Variants in VPS13D observed in about 807,000 individuals in gnomAD.
VPS13D encodes the protein intermembrane lipid transfer protein VPS13D.
Under a neutral mutation model 461.9 loss-of-function variants are expected in VPS13D, and 187 were observed. That is an observed-to-expected ratio of 0.40 (90% CI 0.36 to 0.46). The LOEUF (loss-of-function observed/expected upper bound fraction) is 0.46, where lower values mean the gene tolerates loss of function less well. Among genes scored for constraint, VPS13D ranks in the 20% least tolerant of loss-of-function variants. The pLI is 0.60. For missense variants in VPS13D, 4,711 were observed against 5,364.9 expected, an observed-to-expected ratio of 0.88 and a Z score of 3.81; for synonymous variants, 1,951 against 1,986.3, an observed-to-expected ratio of 0.98 and a Z score of 0.47.
intron 25 of VPS13D, among the ~76,000 whole-genome samples, chr1:12,300,665 T>C (rs527825979): frequency 1.3e-5 from 2 of 152,324 alleles, no homozygotes; most frequent in South Asian, 4.1e-4. Flanking sequence ...GGACTGTTGT[T>C]ATTTGTGTTT....
chr1:12,508,317 G>A (rs1166282543), intron 69 of VPS13D, among the ~76,000 whole-genome samples: 4 of 152,120 alleles, frequency 2.6e-5, no homozygotes, highest in Non-Finnish European at 5.9e-5. Context: ...CCCCATTCTT[G>A]CTCTTGGTCT....
At chr1:12,239,674 C>T (rs1640281347) in intron 2 of VPS13D, among the ~76,000 whole-genome samples, 1 of 152,188 alleles carries the variant, frequency 6.6e-6, no homozygotes, top group South Asian at 2.1e-4. Context: ...TTTATAAGCT[C>T]CGAACCTTAG....
chr1:12,449,454 T>C (rs947476059), intron 65 of VPS13D, among the ~76,000 whole-genome samples: 1 of 151,734 alleles, frequency 6.6e-6, no homozygotes, highest in African/African-American at 2.4e-5. Flanking sequence ...TTTGGCTGAG[T>C]GAGGACTAGC....
chr1:12,271,088 G>C lies in VPS13D; in HGVS notation c.2067G>C (p.Arg689=). The C allele has an allele frequency of 6.2e-7, 1 of 1,613,936 alleles. No homozygotes were observed. The highest frequency in any genetic ancestry group is 8.5e-7 in the Non-Finnish European group (1 of 1,179,936). ...AGATGCAGACCAAGGCAGAAATCCG[G>C]CAAACTCTTGATCGTTTGCTAGTGG... is the stretch of plus-strand genomic sequence containing the variant. ...KLKMQTKAEI[R]QTLDRLLVGD... Residue 689 remains arginine, a synonymous_variant, in exon 17 of 70, where the codon CGG becomes CGC. Transcript: ENST00000620676.
At chr1:12,242,086 G>T (rs149940863) in intron 2 of VPS13D, among the ~76,000 whole-genome samples, 3,127 of 152,124 alleles carry the variant, frequency 0.021, 153 homozygotes, top group Admixed American at 0.12. Context: ...AAAAAAAGGA[G>T]AATACGCAAC....
At position 12,276,423 on chromosome 1, in the gene VPS13D, C is replaced by T. The variant is rs145389711; in HGVS notation, c.2835C>T (p.Thr945=). 2.5e-5 allele frequency: 40 copies of T among 1,614,118 alleles called. 1 individual carries two copies. In the Middle Eastern group the frequency reaches 4.9e-4, roughly 20 times the overall value. The change falls in exon 19 of 70, where the codon ACC becomes ACT. Residue 945 remains threonine (T), a synonymous_variant. Transcript: ENST00000620676. This position sits in a 1 kb window ranked among gnomAD's most constrained non-coding sequence, Gnocchi z 4.5. ...GCATTGTGTTGTTGGAGCAGCATAC[C>T]CGCGAGGTTCTGGTGGAGTCGCAGC... ...TQSIVLLEQH[T]REVLVESQLL...
At position 12,308,615 on chromosome 1, in the gene VPS13D, A is replaced by G. The variant is rs764717099; in HGVS notation, c.6624A>G (p.Lys2208=). 1.2e-6 allele frequency: 2 copies of G among 1,613,134 alleles called. No homozygotes were observed. The highest frequency in any genetic ancestry group is 1.3e-5 in the African/African-American group (1 of 74,774). Residue 2208 remains lysine, a synonymous_variant, in exon 27 of 70, where the codon AAA becomes AAG. Coordinates refer to ENST00000620676, the MANE Select transcript of VPS13D (RefSeq NM_015378.4). Reference sequence around the variant, plus strand: ...TCTTAACCGAGCCTTGTAGGCTGAAATTGCAGGTGGAAAGGAATTTGGACA... The same window carrying G: ...TCTTAACCGAGCCTTGTAGGCTGAAGTTGCAGGTGGAAAGGAATTTGGACA... ...GSLLTEPCRL[K]LQVERNLDKE...
chr1:12,278,337 C>T (rs920550189), intron 19 of VPS13D, among the ~76,000 whole-genome samples: 1 of 152,074 alleles, frequency 6.6e-6, no homozygotes, highest in Non-Finnish European at 1.5e-5. Context: ...ATGATGCAGT[C>T]TCAGCTCACT....
intron 67 of VPS13D, among the ~76,000 whole-genome samples, chr1:12,476,779 C>T (rs1354340055): frequency 6.6e-6 from 1 of 152,142 alleles, no homozygotes; most frequent in Admixed American, 6.5e-5. Context: ...TTTCTGTGAT[C>T]CGTGGCACCT....
intron 47 of VPS13D, among the ~76,000 whole-genome samples, chr1:12,355,567 CG>C (rs1643878141): frequency 6.6e-6 from 1 of 151,934 alleles, no homozygotes; most frequent in Non-Finnish European, 1.5e-5. Flanking sequence ...TATTATGTGT[CG>C]ATTAAAAATT....
chr1:12,322,897 T>A (rs1272424015), intron 34 of VPS13D, 151 bp downstream of exon 34: 1 of 707,684 alleles, frequency 1.4e-6, no homozygotes. Flanking sequence ...CTCTCTCATT[T>A]TTTAAAATTT....
intron 67 of VPS13D, among the ~76,000 whole-genome samples, chr1:12,470,305 A>G (rs986995982): frequency 6.6e-6 from 1 of 152,244 alleles, no homozygotes; most frequent in Non-Finnish European, 1.5e-5. Context: ...GCCAGGGCTC[A>G]TCAGTTCCCT....
At chr1:12,380,075 TTG>T (rs1197479806) in intron 57 of VPS13D, among the ~76,000 whole-genome samples, 1 of 152,190 alleles carries the variant, frequency 6.6e-6, no homozygotes, top group African/African-American at 2.4e-5. Context: ...AGCCCCGCAT[TTG>T]TGTATGTTTA....
chr1:12,231,837 A>G (rs1191842069), intron 1 of VPS13D, among the ~76,000 whole-genome samples: 2 of 152,050 alleles, frequency 1.3e-5, no homozygotes, highest in Non-Finnish European at 2.9e-5. Flanking sequence ...AAAATACAAA[A>G]CTTAGCCGGG....
chr1:12,493,957 GA>G (rs753752941), intron 67 of VPS13D, among the ~76,000 whole-genome samples: 4 of 152,028 alleles, frequency 2.6e-5, no homozygotes, highest in Non-Finnish European at 5.9e-5. Context: ...GGAGTGGGGG[GA>G]AAATTCCTTT....
rs747726179 is a variant in VPS13D at position 12,363,253 on chromosome 1, T to C, written c.10448+6T>C. The C allele has an allele frequency of 1.4e-5, 22 of 1,613,776 alleles. No homozygotes were observed. The East Asian group carries it at 3.8e-4, about 28-fold the overall frequency. ...TCCTTCCATATCAACATGAGGTAAG[T>C]TTGAGACTCTAAATATAGACAAAAA... On this transcript the variant is annotated splice_donor_region_variant and intron_variant, in intron 52 of 69. Coordinates refer to ENST00000620676, the MANE Select transcript of VPS13D (RefSeq NM_015378.4).
At chr1:12,425,423 G>C (rs1644912708) in intron 65 of VPS13D, among the ~76,000 whole-genome samples, 3 of 152,088 alleles carry the variant, frequency 2.0e-5, no homozygotes, top group Admixed American at 6.5e-5. Flanking sequence ...GCTAAGCGTG[G>C]TGGTGCATGC....
intron 46 of VPS13D, among the ~76,000 whole-genome samples, chr1:12,351,232 A>G (rs998870467): frequency 1.3e-5 from 2 of 152,230 alleles, no homozygotes; most frequent in Admixed American, 6.5e-5. Context: ...TACAGCTACT[A>G]TGTAAAAACT....
chr1:12,240,824 G>C (rs1390012209), intron 2 of VPS13D, among the ~76,000 whole-genome samples: 1 of 104,576 alleles, frequency 9.6e-6, no homozygotes, highest in African/African-American at 3.8e-5. Context: ...GGGGCGGGGT[G>C]GGGGGTGGGG....
Sources: gnomAD v4.1 joint callset for allele counts (sites outside exome capture counted in the v4.1 genomes callset) on GRCh38, gnomAD v4.1.1 for gene constraint, Gnocchi (gnomAD v3.1) non-coding constraint, MANE v1.5 for transcripts, NCBI Gene and HGNC (gene_info 2026-07-23, HGNC 2026-07-21) for gene names.